Variants in CDK7 observed in about 807,000 individuals in gnomAD.
CDK7 encodes the protein cyclin-dependent kinase 7.
A neutral mutation model predicts 49.1 loss-of-function variants in CDK7; 25 were observed. That is an observed-to-expected ratio of 0.51 (90% CI 0.37 to 0.71). CDK7 has a LOEUF of 0.71. Ranked by LOEUF, CDK7 falls within the 30% of genes least tolerant of loss-of-function variation. The probability of loss-of-function intolerance (pLI) is 0.00; values close to 1 mark genes in which losing one functional copy is unlikely to be tolerated. For missense variants in CDK7, 316 were observed against 411.7 expected (o/e 0.77, Z 2.01); for synonymous variants, 107 against 140.0 (o/e 0.76, Z 1.67).
chr5:69,265,938 A>G (rs72767864), intron 8 of CDK7, among the ~76,000 whole-genome samples: 23,228 of 151,980 alleles, frequency 0.15, 1,923 homozygotes, highest in African/African-American at 0.21. Flanking sequence ...AAATCAAGAA[A>G]TTAGCCAGAC....
intron 8 of CDK7, 118 bp downstream of exon 8, chr5:69,262,422 A>G (rs1750888411): frequency 7.4e-7 from 1 of 1,354,316 alleles, no homozygotes. Context: ...TAATCCCAGC[A>G]CTTTGGGAGG....
At chr5:69,253,534 G>A (rs1750286255) in intron 3 of CDK7, among the ~76,000 whole-genome samples, 1 of 152,062 alleles carries the variant, frequency 6.6e-6, no homozygotes, top group Non-Finnish European at 1.5e-5. Context: ...CCAAAGTGCT[G>A]GGATTACGAG....
intron 8 of CDK7, among the ~76,000 whole-genome samples, chr5:69,265,271 T>TAAAAA (rs11346593): frequency 1.2e-5 from 1 of 82,328 alleles, no homozygotes. Flanking sequence ...TCTCAAAAAA[T>TAAAAA]AAAAAAAAAA....
chr5:69,251,097 CTT>C (rs34886081), intron 2 of CDK7, among the ~76,000 whole-genome samples: 3 of 135,814 alleles, frequency 2.2e-5, no homozygotes, highest in African/African-American at 2.7e-5. Context: ...GCCCCGGTAA[CTT>C]TTTTTTTTTT....
intron 3 of CDK7, among the ~76,000 whole-genome samples, chr5:69,253,848 C>T (rs1004628603): frequency 5.3e-5 from 8 of 152,140 alleles, no homozygotes; most frequent in Non-Finnish European, 1.5e-5. Flanking sequence ...CCTGTAATCC[C>T]AGCACTTTGG....
intron 2 of CDK7, among the ~76,000 whole-genome samples, chr5:69,240,422 GCTTA>G (rs1749287731): frequency 1.3e-5 from 2 of 152,278 alleles, no homozygotes; most frequent in South Asian, 4.1e-4. Flanking sequence ...TTTTAGAGAT[GCTTA>G]CTTAAGTACG....
At position 69,266,666 on chromosome 5, in the gene CDK7, T is replaced by A. The variant is rs939697871; in HGVS notation, c.628-2541T>A. Among the ~76,000 whole-genome samples, 3 of 151,118 alleles carry A rather than the reference T, an allele frequency of 2.0e-5. No homozygotes were observed. The South Asian group carries it at 6.3e-4, about 32-fold the overall frequency. On this transcript the variant is annotated intron_variant, in intron 8 of 11. Coordinates refer to ENST00000256443, the MANE Select transcript of CDK7 (RefSeq NM_001799.4). ...GGCCTGGAGAGTAGCTAGTCCAGATTGGAGCAGGTGGGGTGAGGACTTCAG... is the reference window on the plus strand; with the variant it reads ...GGCCTGGAGAGTAGCTAGTCCAGATAGGAGCAGGTGGGGTGAGGACTTCAG...
intron 8 of CDK7, among the ~76,000 whole-genome samples, chr5:69,262,678 A>AG (rs1554065536): frequency 3.1e-4 from 47 of 151,774 alleles, no homozygotes; most frequent in Non-Finnish European, 4.7e-4. Flanking sequence ...CAAAAAAAAA[A>AG]AAAAAGAAAA....
Position 69,259,835 on chromosome 5 carries a change from C to T in CDK7, c.426C>T (p.Asn142=), listed in dbSNP as rs753711462. 1.4e-5 allele frequency: 23 copies of T among 1,613,672 alleles called. 1 individual carries two copies. The South Asian group carries it at 1.6e-4, about 12-fold the overall frequency. ...WILHRDLKPN[N]LLLDENGVLK... is the part of the protein sequence containing the mutation. ...TCATATAGGATCTGAAACCAAACAA[C>T]TTGTTGCTAGATGAAAATGGAGTTC... is the stretch of plus-strand genomic sequence containing the variant. Residue 142 remains asparagine (N), a synonymous_variant, in exon 7 of 12, where the codon AAC becomes AAT. Coordinates refer to ENST00000256443, the MANE Select transcript of CDK7 (RefSeq NM_001799.4).
chr5:69,258,180 T>C lies in CDK7; in HGVS notation c.408+27T>C, dbSNP rs139306802. The C allele has an allele frequency of 5.5e-5, 60 of 1,090,942 alleles. No homozygotes were observed. The African/African-American group carries it at 9.0e-4, about 16-fold the overall frequency. 67.6% of individuals were successfully genotyped at this position (1,090,942 alleles called of 1,614,324 possible). The stretch of plus-strand genomic sequence containing the variant: ...TAAGGTTTTTAATATTGCTTCTTTA[T>C]ACTAGTCAAGTTTTATATAGCCAAT... On this transcript the variant is annotated intron_variant, in intron 6 of 11. Transcript: ENST00000256443.
chr5:69,264,704 C>G (rs1283769913), intron 8 of CDK7, among the ~76,000 whole-genome samples: 5 of 152,210 alleles, frequency 3.3e-5, no homozygotes, highest in Admixed American at 6.5e-5. Context: ...GGCGCAGTAG[C>G]TCATGCCTGT....
chr5:69,249,065 CCTCT>C (rs1213228838), intron 2 of CDK7, among the ~76,000 whole-genome samples: 1 of 151,206 alleles, frequency 6.6e-6, no homozygotes, highest in Non-Finnish European at 1.5e-5. Context: ...TTCTTCTTTG[CCTCT>C]CTCTCTCTAC....
intron 5 of CDK7, among the ~76,000 whole-genome samples, chr5:69,256,203 G>A (rs1408054506): frequency 6.6e-6 from 1 of 151,728 alleles, no homozygotes; most frequent in Non-Finnish European, 1.5e-5. Flanking sequence ...CAAGGCAAGA[G>A]GATTGCTTAA....
At chr5:69,271,057 A>T (rs1018701352) in intron 9 of CDK7, among the ~76,000 whole-genome samples, 1 of 152,234 alleles carries the variant, frequency 6.6e-6, no homozygotes. Flanking sequence ...AAAACTCCAG[A>T]GCAGCTATAC....
intron 1 of CDK7, 97 bp from the exon 2 acceptor site, chr5:69,235,297 A>T: frequency 2.1e-6 from 2 of 958,568 alleles, no homozygotes; most frequent in East Asian, 2.5e-5. Context: ...GAGTCTGCTC[A>T]GGAACTCTGG....
intron 2 of CDK7, among the ~76,000 whole-genome samples, chr5:69,235,690 C>A (rs867469266): frequency 1.8e-4 from 28 of 152,200 alleles, no homozygotes; most frequent in African/African-American, 6.5e-4. Flanking sequence ...TGCATAAATT[C>A]ATATGTTGTG....
chr5:69,265,927 G>T (rs544701154), intron 8 of CDK7, among the ~76,000 whole-genome samples: 2 of 151,904 alleles, frequency 1.3e-5, no homozygotes, highest in East Asian at 3.9e-4. Flanking sequence ...AAGAAAAAAA[G>T]AAATCAAGAA....
intron 6 of CDK7, among the ~76,000 whole-genome samples, chr5:69,258,584 G>A (rs762983076): frequency 1.2e-4 from 18 of 152,078 alleles, no homozygotes; most frequent in Middle Eastern, 6.8e-3. Context: ...GGGTTTCACC[G>A]TGTTAGCCAG....
intron 2 of CDK7, among the ~76,000 whole-genome samples, chr5:69,241,328 T>G (rs1749367090): frequency 1.6e-5 from 2 of 124,456 alleles, no homozygotes; most frequent in African/African-American, 6.5e-5. Context: ...TTTTTTTTTT[T>G]TTTTTTTTTT....
Sources: allele counts gnomAD v4.1 joint callset (sites outside exome capture counted in the v4.1 genomes callset), GRCh38; gene constraint gnomAD v4.1.1; transcripts MANE v1.5; gene names NCBI Gene and HGNC (gene_info 2026-07-23, HGNC 2026-07-21).